MAP4K3: variants seen among roughly 807,000 people sequenced by gnomAD.
MAP4K3 encodes the protein MAPK/ERK kinase kinase kinase 3.
In MAP4K3, 94 loss-of-function variants were observed where a neutral mutation model predicts 143.5. The ratio of observed to expected loss-of-function variants is 0.65; its 90% CI spans 0.55 to 0.78. The LOEUF (loss-of-function observed/expected upper bound fraction) is 0.78. Among genes scored for constraint, MAP4K3 ranks in the 30% least tolerant of loss-of-function variants. MAP4K3 has a pLI of 0.00. For missense variants in MAP4K3, 1,077 were observed against 1,068.1 expected (o/e 1.01, Z -0.12); for synonymous variants, 416 against 347.2 (o/e 1.20, Z -2.20).
intron 27 of MAP4K3, 117 bp downstream of exon 27, chr2:39,267,072 T>G: frequency 1.1e-6 from 1 of 918,394 alleles, no homozygotes; most frequent in Non-Finnish European, 1.8e-6. Context: ...AGAAATTTGT[T>G]CTACTTAAGC....
Position 39,326,142 on chromosome 2 carries a change from T to C in MAP4K3, c.662+4A>G. The C allele has an allele frequency of 6.2e-7, 1 of 1,612,666 alleles. No homozygotes were observed. Among genetic ancestry groups the C allele is most frequent in the South Asian group, 1.1e-5 (1 of 90,680 alleles). On this transcript the variant is annotated splice_donor_region_variant and intron_variant, in intron 9 of 33. Transcript: ENST00000263881. ...GTAAGATTCTTCAATGATGATGCAC[T>C]GACCTCATTGGGTGTAAGTCAAACA...
chr2:39,272,198 CTG>C lies in MAP4K3; in HGVS notation c.1973+83_1973+84del. ...TCATCATGATTTTTATTAACCCAAACTGAGTGCTCTTTCACTTTCTGTAACAT... is the reference window on the plus strand; with the variant it reads ...TCATCATGATTTTTATTAACCCAAACAGTGCTCTTTCACTTTCTGTAACAT... On this transcript the variant is annotated intron_variant, in intron 26 of 33. Coordinates refer to ENST00000263881, the MANE Select transcript of MAP4K3 (RefSeq NM_003618.4). 6 of 1,014,266 alleles carry C rather than the reference CTG, an allele frequency of 5.9e-6. No individual in the cohort carries two copies. The South Asian group carries it at 8.9e-5, about 15-fold the overall frequency. 62.8% of individuals were successfully genotyped at this position (1,014,266 alleles called of 1,614,324 possible).
At chr2:39,345,723 T>C (rs1417836586) in intron 3 of MAP4K3, among the ~76,000 whole-genome samples, 2 of 151,606 alleles carry the variant, frequency 1.3e-5, no homozygotes, top group African/African-American at 4.8e-5. Flanking sequence ...ATCGAGACCA[T>C]CCTGGCTAAC....
intron 1 of MAP4K3, among the ~76,000 whole-genome samples, chr2:39,435,106 G>A (rs1445731301): frequency 1.3e-5 from 2 of 151,940 alleles, no homozygotes; most frequent in Non-Finnish European, 2.9e-5. Context: ...CAATATAAGC[G>A]AACTCCCCCA....
At chr2:39,298,964 CAAAAA>C (rs371633915) in intron 16 of MAP4K3, among the ~76,000 whole-genome samples, 3 of 68,492 alleles carry the variant, frequency 4.4e-5, no homozygotes. Flanking sequence ...CACTCTGCCT[CAAAAA>C]AAAAAAAAAA....
intron 12 of MAP4K3, among the ~76,000 whole-genome samples, chr2:39,325,207 T>A (rs1683447174): frequency 6.6e-6 from 1 of 152,176 alleles, no homozygotes; most frequent in Non-Finnish European, 1.5e-5. Flanking sequence ...CCTTTTACAG[T>A]GAATGATTAT....
chr2:39,366,887 A>C (rs939494101), intron 2 of MAP4K3, among the ~76,000 whole-genome samples: 7 of 152,230 alleles, frequency 4.6e-5, no homozygotes, highest in African/African-American at 1.7e-4. Flanking sequence ...AAAACCACAG[A>C]AGCAGCACCC....
chr2:39,381,361 T>C (rs1299970324), intron 1 of MAP4K3, among the ~76,000 whole-genome samples: 2 of 152,220 alleles, frequency 1.3e-5, no homozygotes, highest in Admixed American at 6.5e-5. Context: ...TTGTAAGAGT[T>C]CTTCACATAT....
intron 1 of MAP4K3, among the ~76,000 whole-genome samples, chr2:39,378,533 C>G (rs918465804): frequency 1.3e-5 from 2 of 152,108 alleles, no homozygotes; most frequent in African/African-American, 4.8e-5. Context: ...GGATTCAAAC[C>G]TAGGCAGTCT....
Position 39,290,327 on chromosome 2 carries a change from G to C in MAP4K3, c.1279C>G (p.Leu427Val). ...AAAGGAGGTGGAATTTTTGCTTTCA[G>C]AGTTGAGCTAAAAACAGAAAAGTTT... ...GDDDESKHSTLKAKIPPPLPP... is the reference protein window; with the variant it reads ...GDDDESKHSTVKAKIPPPLPP... The change falls in exon 19 of 34, where the codon CTG becomes GTG. Residue 427 changes from leucine to valine, a missense_variant. By Grantham distance (32) the Leu-to-Val change is conservative (BLOSUM62 1). Transcript: ENST00000263881. The C allele has an allele frequency of 6.2e-7, 1 of 1,604,878 alleles. No individual in the cohort carries two copies. The highest frequency in any genetic ancestry group is 8.5e-7 in the Non-Finnish European group (1 of 1,175,970).
chr2:39,379,986 C>G (rs529061883), intron 1 of MAP4K3, among the ~76,000 whole-genome samples: 12 of 152,176 alleles, frequency 7.9e-5, no homozygotes, highest in African/African-American at 2.9e-4. Context: ...ATGACACTAA[C>G]TACTGATGAG....
At chr2:39,322,606 G>GTGTGTGTA (rs1406791060) in intron 12 of MAP4K3, among the ~76,000 whole-genome samples, 3 of 150,546 alleles carry the variant, frequency 2.0e-5, no homozygotes, top group Non-Finnish European at 4.4e-5. Context: ...GTGTGTGTGT[G>GTGTGTGTA]TGTGTGTGTG....
chr2:39,395,356 C>T (rs1054151014), intron 1 of MAP4K3, among the ~76,000 whole-genome samples: 14 of 126,740 alleles, frequency 1.1e-4, no homozygotes, highest in Admixed American at 2.4e-4. Context: ...CACACACACA[C>T]ACATTTTTAA....
chr2:39,359,265 C>T (rs975159754), intron 2 of MAP4K3, among the ~76,000 whole-genome samples: 3 of 151,728 alleles, frequency 2.0e-5, no homozygotes, highest in Non-Finnish European at 4.4e-5. Context: ...TAATGACTAC[C>T]AACAGGGTAG....
intron 2 of MAP4K3, among the ~76,000 whole-genome samples, chr2:39,376,027 T>G (rs1195626657): frequency 6.6e-6 from 1 of 152,166 alleles, no homozygotes; most frequent in East Asian, 1.9e-4. Context: ...AATGCTACTA[T>G]AAACATTTGT....
At chr2:39,302,128 A>G (rs1682538300) in intron 15 of MAP4K3, among the ~76,000 whole-genome samples, 1 of 152,186 alleles carries the variant, frequency 6.6e-6, no homozygotes, top group Non-Finnish European at 1.5e-5. Context: ...AAAGTAATAT[A>G]TTAATAGAAA....
intron 27 of MAP4K3, 39 bp downstream of exon 27, chr2:39,267,150 A>C: frequency 1.9e-6 from 3 of 1,585,754 alleles, no homozygotes; most frequent in Non-Finnish European, 2.6e-6. Flanking sequence ...TTTTAGGAGG[A>C]GTCTCAGAGA....
chr2:39,333,368 G>C (rs1002281615), intron 7 of MAP4K3, among the ~76,000 whole-genome samples, 164 bp downstream of exon 7: 6 of 152,072 alleles, frequency 3.9e-5, no homozygotes, highest in African/African-American at 1.4e-4. Context: ...CCCTGTTTAA[G>C]AGAAGTGGAT....
chr2:39,321,975 G>A (rs1429918956), intron 12 of MAP4K3, among the ~76,000 whole-genome samples: 1 of 152,210 alleles, frequency 6.6e-6, no homozygotes, highest in Non-Finnish European at 1.5e-5. Context: ...AGGGAACTCA[G>A]AGGCTGGCGG....
Sources: allele counts gnomAD v4.1 joint callset (sites outside exome capture counted in the v4.1 genomes callset), GRCh38; gene constraint gnomAD v4.1.1; transcripts MANE v1.5; gene names NCBI Gene and HGNC (gene_info 2026-07-23, HGNC 2026-07-21).